Variants in PEX1 observed in about 807,000 individuals in gnomAD.
PEX1 encodes peroxisomal ATPase PEX1.
PEX1 carries 97 observed loss-of-function variants against 152.5 expected under a neutral mutation model. That is an observed-to-expected ratio of 0.64 (90% CI 0.54 to 0.75). PEX1 has a LOEUF of 0.75. Among genes scored for constraint, PEX1 ranks in the 30% least tolerant of loss-of-function variants. PEX1 has a pLI of 0.00. For missense variants in PEX1, 1,357 were observed against 1,516.3 expected, an observed-to-expected ratio of 0.89 and a Z score of 1.74; for synonymous variants, 485 against 531.6, an observed-to-expected ratio of 0.91 and a Z score of 1.21.
At chr7:92,507,339 GGTGA>G in intron 9 of PEX1, 1 of 471,136 alleles carries the variant, frequency 2.1e-6, no homozygotes, top group Non-Finnish European at 3.8e-6. Flanking sequence ...CCCTGGCAAA[GGTGA>G]TCCTCCTGCC....
At chr7:92,525,922 G>T (rs1435019463) in intron 1 of PEX1, among the ~76,000 whole-genome samples, 1 of 152,192 alleles carries the variant, frequency 6.6e-6, no homozygotes, top group East Asian at 1.9e-4. Context: ...CCTTTTTAAA[G>T]ACATGGAATT....
intron 5 of PEX1, among the ~76,000 whole-genome samples, chr7:92,516,216 A>T (rs758348059): frequency 6.6e-6 from 1 of 152,110 alleles, no homozygotes; most frequent in Non-Finnish European, 1.5e-5. Flanking sequence ...ACCTGAGGTC[A>T]GGAGTTCCAG....
chr7:92,503,239 A>G, intron 12 of PEX1, 44 bp from the exon 13 acceptor site: 1 of 1,552,962 alleles, frequency 6.4e-7, no homozygotes, highest in Non-Finnish European at 8.9e-7. Flanking sequence ...AAAAGTAAAC[A>G]TGAAATTTAA....
chr7:92,503,594 C>G (rs542926637), intron 12 of PEX1, among the ~76,000 whole-genome samples: 1 of 152,274 alleles, frequency 6.6e-6, no homozygotes, highest in East Asian at 1.9e-4. Context: ...ACTTCCAGAA[C>G]AATCTCTTCC....
chr7:92,513,157 T>A (rs1270017902), intron 6 of PEX1, among the ~76,000 whole-genome samples: 1 of 152,234 alleles, frequency 6.6e-6, no homozygotes, highest in Non-Finnish European at 1.5e-5. Flanking sequence ...TGTGTTATCA[T>A]TTATTAAAGA....
intron 15 of PEX1, 108 bp from the exon 16 acceptor site, chr7:92,499,946 G>A (rs878975678): frequency 7.4e-6 from 6 of 815,738 alleles, no homozygotes; most frequent in Admixed American, 4.7e-5. Flanking sequence ...TGGTAATCAC[G>A]ACCATCTTTC....
In PEX1 at chr7:92,507,027, A is replaced by G. The variant is rs757770982; in HGVS notation, c.1770T>C (p.Leu590=). 1 of 1,613,968 alleles carries G rather than the reference A, an allele frequency of 6.2e-7. No individual in the cohort carries two copies. The highest frequency in any genetic ancestry group is 1.3e-5 in the African/African-American group (1 of 74,920). ...SRQLMSLVAG[L]RNGALLLTGG... ...CTGTGAGTAAAAGAGCTCCATTCCTAAGTCCTGCAACAAGAGACATCAGCT... is the reference window on the plus strand; with the variant it reads ...CTGTGAGTAAAAGAGCTCCATTCCTGAGTCCTGCAACAAGAGACATCAGCT... Residue 590 remains leucine, a synonymous_variant, in exon 10 of 24, where the codon CTT becomes CTC. Transcript: ENST00000248633.
At chr7:92,503,982 A>T (rs1459526729) in intron 12 of PEX1, among the ~76,000 whole-genome samples, 2 of 151,948 alleles carry the variant, frequency 1.3e-5, no homozygotes, top group African/African-American at 2.4e-5. Flanking sequence ...CCAACATATC[A>T]TTACTTCCTG....
chr7:92,522,420 C>T (rs936046115), intron 1 of PEX1, among the ~76,000 whole-genome samples, 175 bp from the exon 2 acceptor site: 3 of 147,288 alleles, frequency 2.0e-5, no homozygotes, highest in Non-Finnish European at 3.0e-5. Context: ...ACACCCAATG[C>T]TGGTGGATGC....
chr7:92,527,842 T>C (rs892462639), intron 1 of PEX1, among the ~76,000 whole-genome samples: 3 of 152,246 alleles, frequency 2.0e-5, no homozygotes, highest in Non-Finnish European at 4.4e-5. Flanking sequence ...ACCATCATTG[T>C]ATTAACCTTT....
Position 92,494,401 on chromosome 7 carries a change from AG to A in PEX1, c.2927-6del, listed in dbSNP as rs759560730. 1 of 1,613,638 alleles carries A rather than the reference AG, an allele frequency of 6.2e-7. No individual in the cohort carries two copies. The highest frequency in any genetic ancestry group is 1.1e-5 in the South Asian group (1 of 91,076). On this transcript the variant is annotated splice_region_variant and splice_polypyrimidine_tract_variant and intron_variant, in intron 18 of 23. Transcript: ENST00000248633. ...TAGCAGCCAATACATAAACACCTAG[AG>A]GAAAAAAGAACATTTTTTTACCAAA...
Position 92,488,603 on chromosome 7 carries a change from C to CA in PEX1, c.3767+689dup, listed in dbSNP as rs750574147. 2.0e-5 allele frequency among the ~76,000 whole-genome samples: 3 copies of CA among 151,676 alleles called. No individual in the cohort carries two copies. The East Asian group carries it at 5.8e-4, about 29-fold the overall frequency. ...GAATGTATTTAAATGTTCTTGAGGTCAATAAAATATTAATATAAATTATTT... is the reference window on the plus strand; with the variant it reads ...GAATGTATTTAAATGTTCTTGAGGTCAAATAAAATATTAATATAAATTATTT... On this transcript the variant is annotated intron_variant, in intron 23 of 23. Transcript: ENST00000248633.
At chr7:92,500,581 T>TA (rs1791879017) in intron 15 of PEX1, among the ~76,000 whole-genome samples, 1 of 152,242 alleles carries the variant, frequency 6.6e-6, no homozygotes, top group South Asian at 2.1e-4. Context: ...AGTACTTCCA[T>TA]ACCCATGTTC....
intron 23 of PEX1, among the ~76,000 whole-genome samples, chr7:92,488,232 CAT>C (rs1403124206): frequency 5.3e-5 from 8 of 152,136 alleles, no homozygotes; most frequent in African/African-American, 1.9e-4. Context: ...AATAGGAAAA[CAT>C]ATATAAGCAT....
Position 92,489,396 on chromosome 7 carries a change from G to A in PEX1, c.3664C>T (p.Pro1222Ser), listed in dbSNP as rs767870400. The change falls in exon 23 of 24, where the codon CCA (proline) becomes TCA (serine). Residue 1222 changes from proline to serine, a missense_variant. By Grantham distance (74) the Pro-to-Ser change is moderately conservative. Transcript: ENST00000248633. Reference protein sequence around the residue: ...GEDESMNQPGPIKTRLAISQS... With the variant: ...GEDESMNQPGSIKTRLAISQS... ...CTAATAGCCAGTCTGGTTTTGATTG[G>A]TCCTGGTTGGTTCATGGATTCGTCC... 4.3e-6 allele frequency: 7 copies of A among 1,612,716 alleles called. No individual in the cohort carries two copies. The highest frequency in any genetic ancestry group is 2.2e-5 in the East Asian group (1 of 44,852).
At position 92,518,412 on chromosome 7, in the gene PEX1, G is replaced by T. The variant is rs75018506; in HGVS notation, c.358-157C>A. 6.1e-3 allele frequency among the ~76,000 whole-genome samples: 933 copies of T among 152,100 alleles called. 39 individuals are homozygous for T. Among genetic ancestry groups the T allele is most frequent in the Admixed American group, 0.049 (753 of 15,278 alleles). ...ATGAGCTACATATAGATAGTATAAT[G>T]GTTACTATAGTGAAGTAAATTAACA... On this transcript the variant is annotated intron_variant, in intron 3 of 23. Transcript: ENST00000248633.
chr7:92,501,488 T>A lies in PEX1; in HGVS notation c.2583+19A>T. On this transcript the variant is annotated intron_variant, in intron 15 of 23. Transcript: ENST00000248633. ...TTCTTCTGGGAGTAAGTATTCACTT[T>A]TTCTTTTTTTAAACATACCTTGGCA... The A allele has an allele frequency of 1.2e-6, 2 of 1,605,724 alleles. No homozygotes were observed. Among genetic ancestry groups the A allele is most frequent in the Non-Finnish European group, 1.7e-6 (2 of 1,172,408 alleles).
At chr7:92,518,369 T>C in intron 3 of PEX1, 114 bp from the exon 4 acceptor site, 1 of 714,848 alleles carries the variant, frequency 1.4e-6, no homozygotes, top group Non-Finnish European at 2.6e-6. Context: ...GCATATTTAA[T>C]ATACACGACA....
In PEX1 at chr7:92,516,014, AAGAG is replaced by A. The variant is rs1562864617; in HGVS notation, c.1239+1258_1239+1261del. Among the ~76,000 whole-genome samples the A allele has an allele frequency of 2.0e-3, 137 of 67,652 alleles. 2 individuals are homozygous for A. The highest frequency in any genetic ancestry group is 6.1e-3 in the African/African-American group (133 of 21,744). 44.4% of individuals were successfully genotyped at this position (67,652 alleles called of 152,430 possible). ...AACTCAAAAAAAGAAAAGAAAAGAG[AAGAG>A]AAGAGAAGAGAAGAGAAGAGAAGAG... On this transcript the variant is annotated intron_variant, in intron 5 of 23. Coordinates refer to ENST00000248633, the MANE Select transcript of PEX1 (RefSeq NM_000466.3).
Sources: allele counts gnomAD v4.1 joint callset (sites outside exome capture counted in the v4.1 genomes callset), GRCh38; gene constraint gnomAD v4.1.1; transcripts MANE v1.5; gene names NCBI Gene and HGNC (gene_info 2026-07-23, HGNC 2026-07-21).